PAPPA2: variants seen among roughly 807,000 people sequenced by gnomAD.
PAPPA2 encodes pappalysin-2.
PAPPA2 carries 86 observed loss-of-function variants against 176.4 expected under a neutral mutation model. That is an observed-to-expected ratio of 0.49 (90% CI 0.41 to 0.58). The LOEUF is 0.58. Ranked by LOEUF, PAPPA2 falls within the 20% of genes least tolerant of loss-of-function variation. PAPPA2 has a pLI of 0.00. For missense variants in PAPPA2, 2,073 were observed against 2,256.9 expected (o/e 0.92, Z 1.65); for synonymous variants, 809 against 852.2 (o/e 0.95, Z 0.88).
intron 12 of PAPPA2, among the ~76,000 whole-genome samples, chr1:176,726,883 T>C (rs1661903187): frequency 6.6e-6 from 1 of 152,198 alleles, no homozygotes; most frequent in Non-Finnish European, 1.5e-5. Flanking sequence ...GCAGCCTTAA[T>C]GTTAGACTCA....
chr1:176,552,031 C>T (rs1025886089), intron 1 of PAPPA2, among the ~76,000 whole-genome samples: 3 of 152,098 alleles, frequency 2.0e-5, no homozygotes, highest in Non-Finnish European at 2.9e-5. Flanking sequence ...GACAGTCCCC[C>T]TACTGTGTGT....
intron 21 of PAPPA2, among the ~76,000 whole-genome samples, chr1:176,823,824 G>A (rs1331702026): frequency 6.6e-6 from 1 of 152,074 alleles, no homozygotes; most frequent in Admixed American, 6.6e-5. Context: ...AGATATCTGT[G>A]AGCATTAAGA....
intron 21 of PAPPA2, 50 bp downstream of exon 21, chr1:176,800,182 T>G (rs756032686): frequency 6.3e-7 from 1 of 1,579,852 alleles, no homozygotes; most frequent in Admixed American, 1.7e-5. Flanking sequence ...TCAGGTGGAT[T>G]TAACTTATGG....
intron 14 of PAPPA2, among the ~76,000 whole-genome samples, chr1:176,761,586 C>T (rs1461654327): frequency 6.6e-6 from 1 of 152,200 alleles, no homozygotes; most frequent in Non-Finnish European, 1.5e-5. Flanking sequence ...TTTTCCCTTG[C>T]CTACCCTGCT....
At chr1:176,473,128 A>T (rs1651957654) in intron 1 of PAPPA2, among the ~76,000 whole-genome samples, 2 of 152,156 alleles carry the variant, frequency 1.3e-5, no homozygotes, top group Non-Finnish European at 2.9e-5. Context: ...CACAATTATA[A>T]TATCCTACAG....
intron 1 of PAPPA2, among the ~76,000 whole-genome samples, chr1:176,505,011 A>T (rs1648177536): frequency 6.6e-6 from 1 of 152,132 alleles, no homozygotes; most frequent in Non-Finnish European, 1.5e-5. Context: ...AGCCCATCCT[A>T]CCTAATACAG....
chr1:176,546,434 G>C (rs1650640568), intron 1 of PAPPA2, among the ~76,000 whole-genome samples: 1 of 151,898 alleles, frequency 6.6e-6, no homozygotes, highest in Non-Finnish European at 1.5e-5. Flanking sequence ...GAATATTTGA[G>C]AAAAAATGCT....
At chr1:176,838,402 A>T (rs1242387791) in intron 21 of PAPPA2, among the ~76,000 whole-genome samples, 1 of 152,222 alleles carries the variant, frequency 6.6e-6, no homozygotes, top group African/African-American at 2.4e-5. Context: ...TACATGGAAA[A>T]AAAAGAAGGA....
chr1:176,679,464 A>C (rs915884351), intron 4 of PAPPA2, among the ~76,000 whole-genome samples: 1 of 152,142 alleles, frequency 6.6e-6, no homozygotes, highest in African/African-American at 2.4e-5. Flanking sequence ...TTCTGTTATG[A>C]AAGTGGGTAC....
At chr1:176,623,168 A>G (rs1655689535) in intron 3 of PAPPA2, among the ~76,000 whole-genome samples, 2 of 152,144 alleles carry the variant, frequency 1.3e-5, no homozygotes, top group African/African-American at 4.8e-5. Flanking sequence ...CCAGCTCAAC[A>G]TATTTTGTTC....
At chr1:176,525,144 A>C (rs1044653027) in intron 1 of PAPPA2, among the ~76,000 whole-genome samples, 8 of 152,208 alleles carry the variant, frequency 5.3e-5, no homozygotes, top group Non-Finnish European at 1.5e-5. Context: ...TATAGGAACT[A>C]TCTCTTACTT....
intron 21 of PAPPA2, among the ~76,000 whole-genome samples, chr1:176,805,649 CAT>C (rs1216308311): frequency 1.3e-5 from 2 of 152,004 alleles, no homozygotes; most frequent in African/African-American, 4.8e-5. Context: ...AGGAATGACA[CAT>C]GTAACTTTGT....
At chr1:176,618,893 A>G (rs1655428678) in intron 3 of PAPPA2, among the ~76,000 whole-genome samples, 1 of 152,206 alleles carries the variant, frequency 6.6e-6, no homozygotes, top group African/African-American at 2.4e-5. Context: ...AGAAGTAGCT[A>G]TTATACTAGA....
At chr1:176,587,762 C>A (rs751926549) in intron 2 of PAPPA2, among the ~76,000 whole-genome samples, 1 of 152,170 alleles carries the variant, frequency 6.6e-6, no homozygotes, top group Non-Finnish European at 1.5e-5. Context: ...ATTGTCTTGG[C>A]TATACAGGGT....
intron 2 of PAPPA2, among the ~76,000 whole-genome samples, chr1:176,572,720 T>C (rs374000626): frequency 7.2e-5 from 11 of 152,346 alleles, no homozygotes; most frequent in Admixed American, 2.6e-4. Context: ...CAAATACTAA[T>C]GCTGTGAAAG....
At chr1:176,572,620 G>C (rs1374882861) in intron 2 of PAPPA2, among the ~76,000 whole-genome samples, 2 of 152,136 alleles carry the variant, frequency 1.3e-5, no homozygotes, top group African/African-American at 2.4e-5. Flanking sequence ...CCACATGGTA[G>C]AGACAAAAAC....
chr1:176,598,789 T>A (rs1180033725), intron 3 of PAPPA2, among the ~76,000 whole-genome samples: 1 of 152,150 alleles, frequency 6.6e-6, no homozygotes, highest in Non-Finnish European at 1.5e-5. Context: ...TTTCTTCCAG[T>A]CTTGGCCAGT....
intron 14 of PAPPA2, among the ~76,000 whole-genome samples, chr1:176,751,196 C>T (rs1004390816): frequency 2.6e-5 from 4 of 151,672 alleles, no homozygotes; most frequent in African/African-American, 4.8e-5. Context: ...TTCCATTGAT[C>T]TATATCTCTG....
chr1:176,568,993 A>G (rs1652151954), intron 2 of PAPPA2, among the ~76,000 whole-genome samples: 1 of 152,160 alleles, frequency 6.6e-6, no homozygotes, highest in South Asian at 2.1e-4. Flanking sequence ...ATGAGACCCT[A>G]CTTACCTTTT....
Sources: allele counts gnomAD v4.1 joint callset (sites outside exome capture counted in the v4.1 genomes callset), GRCh38; gene constraint gnomAD v4.1.1; transcripts MANE v1.5; gene names NCBI Gene and HGNC (gene_info 2026-07-23, HGNC 2026-07-21).